The following CLEC4E variants were observed in gnomAD, a reference collection of about 807,000 sequenced individuals.
CLEC4E encodes the protein C-type (calcium dependent, carbohydrate-recognition domain) lectin, superfamily member 9.
A neutral mutation model predicts 24.7 loss-of-function variants in CLEC4E; 21 were observed. That is an observed-to-expected ratio of 0.85 (90% CI 0.60 to 1.22). The LOEUF (loss-of-function observed/expected upper bound fraction) is 1.22. Ranked by LOEUF, CLEC4E falls within the 50% of genes most tolerant of loss-of-function variation. The probability of loss-of-function intolerance (pLI) is 0.00; values close to 1 mark genes in which losing one functional copy is unlikely to be tolerated. For synonymous variants in CLEC4E, 94 were observed against 85.7 expected (o/e 1.10, Z -0.54); for missense variants, 249 against 254.1 (o/e 0.98, Z 0.14).
intron 3 of CLEC4E, among the ~76,000 whole-genome samples, chr12:8,538,572 T>C (rs948655227): frequency 6.6e-6 from 1 of 152,194 alleles, no homozygotes; most frequent in African/African-American, 2.4e-5. Context: ...CGCGCATTGG[T>C]GGTAGTGGTC....
intron 3 of CLEC4E, 78 bp downstream of exon 3, chr12:8,539,139 C>T: frequency 1.0e-6 from 1 of 993,490 alleles, no homozygotes; most frequent in South Asian, 1.4e-5. Context: ...AGCTATATCT[C>T]ACCTGTCCCA....
chr12:8,534,828 G>T lies in CLEC4E; in HGVS notation c.489-19C>A. On this transcript the variant is annotated intron_variant, in intron 5 of 5. Transcript: ENST00000299663. ...CCAGAAGCTGAAAAAGAATGACATAGGAGACTTAAAATCCCAGCAAAAAGA... is the reference window on the plus strand; with the variant it reads ...CCAGAAGCTGAAAAAGAATGACATATGAGACTTAAAATCCCAGCAAAAAGA... 1 of 1,596,224 alleles carries T rather than the reference G, an allele frequency of 6.3e-7. No homozygotes were observed. The highest frequency in any genetic ancestry group is 1.1e-5 in the South Asian group (1 of 87,830).
chr12:8,536,008 T>G (rs761119735), intron 5 of CLEC4E, 82 bp downstream of exon 5: 9 of 788,444 alleles, frequency 1.1e-5, no homozygotes, highest in Non-Finnish European at 1.5e-5. Context: ...CTGCATTTAA[T>G]ACCACCACCA....
intron 4 of CLEC4E, 65 bp downstream of exon 4, chr12:8,537,050 T>C (rs1940624973): frequency 1.3e-6 from 2 of 1,490,240 alleles, no homozygotes; most frequent in Admixed American, 3.6e-5. Context: ...GCACTGTGCA[T>C]ATGTATGAAA....
intron 3 of CLEC4E, 106 bp downstream of exon 3, chr12:8,539,110 GA>G (rs756992917): frequency 2.7e-6 from 2 of 745,186 alleles, no homozygotes; most frequent in East Asian, 2.7e-5. Flanking sequence ...TTTTGCTTTT[GA>G]AAAATAAGAC....
At position 8,534,653 on chromosome 12, in the gene CLEC4E, T is replaced by C. The variant is rs748557692; in HGVS notation, c.645A>G (p.Lys215=). 5.3e-5 allele frequency: 86 copies of C among 1,613,472 alleles called. No individual in the cohort carries two copies. In the South Asian group the frequency reaches 9.0e-4, roughly 17 times the overall value. ...CCTTCTGTTCTTAAAGAGATTTTCC[T>C]TTGTTCAAAGGATTTATTCCTACCA... ...CEMVGINPLN[K]GKSL The change falls in exon 6 of 6, where the codon AAA becomes AAG. Residue 215 remains lysine (K), a synonymous_variant. Coordinates refer to ENST00000299663, the MANE Select transcript of CLEC4E (RefSeq NM_014358.4).
In CLEC4E at chr12:8,537,262, T is replaced by C; in HGVS notation, c.225A>G (p.Ser75=). Residue 75 remains serine (S), a synonymous_variant, in exon 4 of 6, where the codon TCA becomes TCG. Coordinates refer to ENST00000299663, the MANE Select transcript of CLEC4E (RefSeq NM_014358.4). Reference sequence around the variant, plus strand: ...AGTTCAATGGACAACAATTCTTGACTGAACCTAGGATGAGAGATGTTTCAG... The same window carrying C: ...AGTTCAATGGACAACAATTCTTGACCGAACCTAGGATGAGAGATGTTTCAG... ...ELSCYNYGSG[S]VKNCCPLNWE... is the part of the protein sequence containing the mutation. 6.2e-7 allele frequency: 1 copy of C among 1,613,238 alleles called. No individual in the cohort carries two copies. The highest frequency in any genetic ancestry group is 8.5e-7 in the Non-Finnish European group (1 of 1,179,294).
chr12:8,540,062 A>C (rs927343951), intron 1 of CLEC4E, 115 bp from the exon 2 acceptor site: 4 of 716,762 alleles, frequency 5.6e-6, no homozygotes, highest in Non-Finnish European at 9.8e-6. Flanking sequence ...GTTTGTACTG[A>C]GTAATTCCCA....
chr12:8,535,000 T>C (rs777477368), intron 5 of CLEC4E, among the ~76,000 whole-genome samples, 191 bp from the exon 6 acceptor site: 1 of 152,350 alleles, frequency 6.6e-6, no homozygotes, highest in African/African-American at 2.4e-5. Flanking sequence ...TCACAGTTTG[T>C]GAGTACTGAA....
intron 1 of CLEC4E, among the ~76,000 whole-genome samples, chr12:8,540,274 C>T (rs1169299562): frequency 6.6e-6 from 1 of 152,152 alleles, no homozygotes; most frequent in Non-Finnish European, 1.5e-5. Context: ...ACAATTTTTC[C>T]TTTCTAAGTC....
intron 2 of CLEC4E, among the ~76,000 whole-genome samples, chr12:8,539,507 A>T (rs1940665864): frequency 6.6e-6 from 1 of 152,176 alleles, no homozygotes; most frequent in African/African-American, 2.4e-5. Flanking sequence ...TCCTTCCAAA[A>T]GTAATTAGTC....
At chr12:8,536,244 A>C in intron 4 of CLEC4E, 39 bp from the exon 5 acceptor site, 1 of 1,179,482 alleles carries the variant, frequency 8.5e-7, no homozygotes, top group Non-Finnish European at 1.3e-6. Context: ...CAGTTATTTT[A>C]GTTTTGAATA....
In CLEC4E at chr12:8,539,895, G is replaced by A; in HGVS notation, c.90C>T (p.Pro30=). The A allele has an allele frequency of 1.9e-6, 3 of 1,612,534 alleles. No individual in the cohort carries two copies. The highest frequency in any genetic ancestry group is 2.5e-6 in the Non-Finnish European group (3 of 1,178,602). The change falls in exon 2 of 6, where the codon CCC becomes CCT. Residue 30 remains proline, a synonymous_variant. Transcript: ENST00000299663. Reference sequence around the variant, plus strand: ...TGAAACAGGCACTGAGAAATAGGATGGGGATCCCAGCAACAGTCCATAAGA... The same window carrying A: ...TGAAACAGGCACTGAGAAATAGGATAGGGATCCCAGCAACAGTCCATAAGA... ...QMFLWTVAGI[P]ILFLSACFIT... is the part of the protein sequence containing the mutation.
chr12:8,536,139 C>T lies in CLEC4E; in HGVS notation c.439G>A (p.Glu147Lys), dbSNP rs1449636854. 3.7e-6 allele frequency: 6 copies of T among 1,613,490 alleles called. No individual in the cohort carries two copies. The highest frequency in any genetic ancestry group is 2.2e-5 in the East Asian group (1 of 44,866). Residue 147 changes from glutamate (E) to lysine (K), a missense_variant, in exon 5 of 6, where the codon GAG (glutamate) becomes AAG (lysine). Transcript: ENST00000299663. ...FFIGLSDQVV[E>K]GQWQWVDGTP... The stretch of plus-strand genomic sequence containing the variant: ...CCGTCCACCCATTGCCACTGACCCT[C>T]GACAACCTGGTCTGACAGTCCAATA...
intron 3 of CLEC4E, 36 bp from the exon 4 acceptor site, chr12:8,537,302 G>T: frequency 6.3e-7 from 1 of 1,588,288 alleles, no homozygotes; most frequent in South Asian, 1.1e-5. Flanking sequence ...TGTCCCAGGT[G>T]AACCGAATAA....
chr12:8,535,436 G>T (rs181758320), intron 5 of CLEC4E, among the ~76,000 whole-genome samples: 1 of 152,128 alleles, frequency 6.6e-6, no homozygotes, highest in Non-Finnish European at 1.5e-5. Context: ...GCTCTATCAG[G>T]AAGAATACCT....
intron 3 of CLEC4E, among the ~76,000 whole-genome samples, chr12:8,538,626 CT>C (rs1242250102): frequency 6.6e-6 from 1 of 152,188 alleles, no homozygotes; most frequent in African/African-American, 2.4e-5. Flanking sequence ...TGTCTTGTGT[CT>C]TTATTTCTAC....
Position 8,540,868 on chromosome 12 carries a change from C to T in CLEC4E, c.-71G>A. The T allele has an allele frequency of 3.0e-6, 3 of 1,011,466 alleles. No individual in the cohort carries two copies. The highest frequency in any genetic ancestry group is 2.5e-5 in the South Asian group (2 of 78,508). 62.7% of individuals were successfully genotyped at this position (1,011,466 alleles called of 1,614,324 possible). ...CTCCCTCCCTCTCTTTCTTTCTCCTCAGGAGTGTTTTGTTGGTAAGATTCA... is the reference window on the plus strand; with the variant it reads ...CTCCCTCCCTCTCTTTCTTTCTCCTTAGGAGTGTTTTGTTGGTAAGATTCA... On this transcript the variant is annotated 5_prime_UTR_variant, in exon 1 of 6. Coordinates refer to ENST00000299663, the MANE Select transcript of CLEC4E (RefSeq NM_014358.4).
chr12:8,536,393 T>G (rs756376778), intron 4 of CLEC4E, among the ~76,000 whole-genome samples, 188 bp from the exon 5 acceptor site: 1 of 152,214 alleles, frequency 6.6e-6, no homozygotes, highest in East Asian at 1.9e-4. Flanking sequence ...CTGTCTCTAC[T>G]AAAAGTATAA....
Sources: gnomAD v4.1 joint callset for allele counts (sites outside exome capture counted in the v4.1 genomes callset) on GRCh38, gnomAD v4.1.1 for gene constraint, MANE v1.5 for transcripts, NCBI Gene and HGNC (gene_info 2026-07-23, HGNC 2026-07-21) for gene names.